The following TAFA4 variants were observed in gnomAD, a reference collection of about 807,000 sequenced individuals.
TAFA4 encodes chemokine-like protein TAFA-4.
TAFA4 carries 20 observed loss-of-function variants against 21.1 expected under a neutral mutation model. The observed-to-expected ratio is 0.95, with a 90% confidence interval of 0.67 to 1.38. The LOEUF (loss-of-function observed/expected upper bound fraction) is 1.38, where lower values mean the gene tolerates loss of function less well. TAFA4 is among the 40% of genes most tolerant of loss of function. The pLI is 0.00. For synonymous variants in TAFA4, 71 were observed against 67.4 expected, an observed-to-expected ratio of 1.05 and a Z score of -0.26; for missense variants, 211 against 180.9, an observed-to-expected ratio of 1.17 and a Z score of -0.95.
intron 3 of TAFA4, among the ~76,000 whole-genome samples, chr3:68,857,754 T>G (rs1214028841): frequency 6.6e-6 from 1 of 151,796 alleles, no homozygotes; most frequent in African/African-American, 2.4e-5. Context: ...GAATGTAAGA[T>G]TTCACTGGAC....
chr3:68,885,413 C>A (rs1336819070), intron 1 of TAFA4, 103 bp from the exon 2 acceptor site: 7 of 542,974 alleles, frequency 1.3e-5, no homozygotes, highest in Non-Finnish European at 2.3e-5. Flanking sequence ...ACCATGACAC[C>A]TGCAGTTTCA....
At chr3:68,853,405 G>T (rs1482410044) in intron 3 of TAFA4, among the ~76,000 whole-genome samples, 1 of 152,012 alleles carries the variant, frequency 6.6e-6, no homozygotes, top group Non-Finnish European at 1.5e-5. Context: ...TATCATTTTT[G>T]ATTAATTTTC....
At chr3:68,847,353 C>T (rs1351852105) in intron 3 of TAFA4, among the ~76,000 whole-genome samples, 3 of 152,240 alleles carry the variant, frequency 2.0e-5, no homozygotes, top group East Asian at 1.9e-4. Flanking sequence ...TCAGTAATGA[C>T]GGATGCCCCT....
chr3:68,931,045 G>C (rs2090153299), intron 1 of TAFA4, among the ~76,000 whole-genome samples: 1 of 152,212 alleles, frequency 6.6e-6, no homozygotes, highest in South Asian at 2.1e-4. Context: ...TAGGCCATCA[G>C]TGTGCACAAG....
chr3:68,770,702 CCTT>C (rs1702939160), intron 3 of TAFA4, among the ~76,000 whole-genome samples: 2 of 152,134 alleles, frequency 1.3e-5, no homozygotes, highest in African/African-American at 4.8e-5. Context: ...ACCCACCTCA[CCTT>C]CTCCCACTTT....
At position 68,741,661 on chromosome 3, in the gene TAFA4, G is replaced by A. The variant is rs1023913895; in HGVS notation, c.287-2462C>T. ...TAAAAAAAAGCCAGGCGTGGTGGCC[G>A]GTGCTTGTAGTCCCAAGCTACTTAG... On this transcript the variant is annotated intron_variant, in intron 4 of 5. Coordinates refer to ENST00000295569, the MANE Select transcript of TAFA4 (RefSeq NM_182522.5). Among the ~76,000 whole-genome samples, 6 of 151,920 alleles carry A rather than the reference G, an allele frequency of 3.9e-5. No homozygotes were observed. In the East Asian group the frequency reaches 5.8e-4, roughly 15 times the overall value.
intron 3 of TAFA4, among the ~76,000 whole-genome samples, chr3:68,783,255 T>C (rs1479955867): frequency 6.6e-6 from 1 of 152,166 alleles, no homozygotes; most frequent in African/African-American, 2.4e-5. Context: ...CCATTCAACA[T>C]TGAACTAGAG....
At chr3:68,888,773 A>G (rs1445732730) in intron 1 of TAFA4, among the ~76,000 whole-genome samples, 1 of 151,984 alleles carries the variant, frequency 6.6e-6, no homozygotes, top group Non-Finnish European at 1.5e-5. Context: ...TTGTATAACA[A>G]TCCACTCTCA....
At chr3:68,837,343 C>T (rs1704548099) in intron 3 of TAFA4, among the ~76,000 whole-genome samples, 1 of 152,178 alleles carries the variant, frequency 6.6e-6, no homozygotes, top group Non-Finnish European at 1.5e-5. Context: ...CCAGGTGTGA[C>T]ACATATGATC....
chr3:68,921,397 TG>T (rs1316264829), intron 1 of TAFA4, among the ~76,000 whole-genome samples: 2 of 152,208 alleles, frequency 1.3e-5, no homozygotes, highest in Non-Finnish European at 2.9e-5. Flanking sequence ...TCTTTACATG[TG>T]TTTTCTTATT....
intron 3 of TAFA4, among the ~76,000 whole-genome samples, chr3:68,757,777 T>TAACA (rs1259664151): frequency 5.9e-5 from 9 of 152,230 alleles, no homozygotes; most frequent in East Asian, 1.9e-4. Context: ...TTTCACCTTC[T>TAACA]AACACATCAG....
intron 1 of TAFA4, among the ~76,000 whole-genome samples, chr3:68,901,806 A>G (rs902732081): frequency 2.0e-5 from 3 of 152,224 alleles, no homozygotes; most frequent in African/African-American, 7.2e-5. Flanking sequence ...CACTGGAAGG[A>G]GGGCAGATCT....
At chr3:68,774,800 C>T (rs1043525834) in intron 3 of TAFA4, among the ~76,000 whole-genome samples, 1 of 152,106 alleles carries the variant, frequency 6.6e-6, no homozygotes, top group Non-Finnish European at 1.5e-5. Context: ...CTAATCAAAA[C>T]ATGAAATCAG....
intron 3 of TAFA4, among the ~76,000 whole-genome samples, chr3:68,844,570 G>T (rs1264605367): frequency 1.3e-5 from 2 of 152,006 alleles, no homozygotes; most frequent in Non-Finnish European, 2.9e-5. Context: ...GCTTTTGAAT[G>T]TGTTTGCTCT....
chr3:68,891,058 G>C (rs779722937), intron 1 of TAFA4, among the ~76,000 whole-genome samples: 1 of 152,064 alleles, frequency 6.6e-6, no homozygotes, highest in Admixed American at 6.6e-5. Flanking sequence ...ACAGCTTGAG[G>C]GCCTTCACCA....
At chr3:68,757,435 G>C (rs963329897) in intron 3 of TAFA4, among the ~76,000 whole-genome samples, 3 of 152,068 alleles carry the variant, frequency 2.0e-5, no homozygotes, top group Admixed American at 6.6e-5. Flanking sequence ...GATACATTCA[G>C]TCCATAACAA....
intron 1 of TAFA4, among the ~76,000 whole-genome samples, chr3:68,894,460 C>G (rs1458976151): frequency 1.3e-5 from 2 of 152,302 alleles, no homozygotes; most frequent in Admixed American, 1.3e-4. Flanking sequence ...CATGTTACTT[C>G]TATAACACAA....
chr3:68,837,239 G>A lies in TAFA4; in HGVS notation c.130+43491C>T, dbSNP rs201524705. 3.3e-5 allele frequency among the ~76,000 whole-genome samples: 5 copies of A among 152,288 alleles called. No individual in the cohort carries two copies. In the East Asian group the frequency reaches 9.6e-4, roughly 29 times the overall value. On this transcript the variant is annotated intron_variant, in intron 3 of 5. Coordinates refer to ENST00000295569, the MANE Select transcript of TAFA4 (RefSeq NM_182522.5). ...CTATGCTAAATGATGTCCAAGAACAGGCATCATCAGCATCACCCAGCTGGC... is the reference window on the plus strand; with the variant it reads ...CTATGCTAAATGATGTCCAAGAACAAGCATCATCAGCATCACCCAGCTGGC...
At chr3:68,767,463 C>T (rs1371414775) in intron 3 of TAFA4, among the ~76,000 whole-genome samples, 1 of 151,748 alleles carries the variant, frequency 6.6e-6, no homozygotes, top group African/African-American at 2.4e-5. Flanking sequence ...CAGTTAGAAA[C>T]AGAAAAACTA....
Sources: allele counts gnomAD v4.1 joint callset (sites outside exome capture counted in the v4.1 genomes callset), GRCh38; gene constraint gnomAD v4.1.1; transcripts MANE v1.5; gene names NCBI Gene and HGNC (gene_info 2026-07-23, HGNC 2026-07-21).